NOTCH2NLR: variants seen among roughly 807,000 people sequenced by gnomAD.
NOTCH2NLR encodes notch 2 N-terminal like R.
A neutral mutation model predicts 35.6 loss-of-function variants in NOTCH2NLR; 33 were observed. That is an observed-to-expected ratio of 0.93 (90% confidence interval 0.70 to 1.24). NOTCH2NLR has a LOEUF of 1.24. Ranked by LOEUF, NOTCH2NLR falls within the 50% of genes most tolerant of loss-of-function variation. The pLI, the probability that NOTCH2NLR is intolerant of heterozygous loss-of-function variation, is 0.00. For missense variants in NOTCH2NLR, 276 were observed against 362.2 expected (o/e 0.76, Z 1.93); for synonymous variants, 103 against 141.0 (o/e 0.73, Z 1.91).
In NOTCH2NLR at chr1:120,776,252, G is replaced by T. The variant is rs1370420132; in HGVS notation, c.156-8722G>T. Reference sequence around the variant, plus strand: ...GGCTCAGGGTTATTAAGAACAGAGGGGGTATCAAGGCTGTTTTTCACAGGA... The same window carrying T: ...GGCTCAGGGTTATTAAGAACAGAGGTGGTATCAAGGCTGTTTTTCACAGGA... On this transcript the variant is annotated intron_variant, in intron 2 of 4. Coordinates refer to ENST00000624419, the Ensembl canonical transcript of NOTCH2NLR. 2.6e-5 allele frequency among the ~76,000 whole-genome samples: 3 copies of T among 115,220 alleles called. 1 individual carries two copies. Among genetic ancestry groups the T allele is most frequent in the Non-Finnish European group, 5.0e-5 (3 of 60,540 alleles). The allele number at this position is 115,220 out of a possible 152,430, so 75.6% of individuals were successfully genotyped here. A position where few individuals can be genotyped will look rare whatever the true frequency, so the allele number is the denominator to read the frequency against.
Position 120,778,099 on chromosome 1 carries a change from AG to A in NOTCH2NLR, c.156-6869del, listed in dbSNP as rs1235422605. Among the ~76,000 whole-genome samples, 8 of 87,346 alleles carry A rather than the reference AG, an allele frequency of 9.2e-5. 1 individual carries two copies. The highest frequency in any genetic ancestry group is 1.6e-4 in the Non-Finnish European group (8 of 48,986). 57.3% of individuals were successfully genotyped at this position (87,346 alleles called of 152,430 possible). A position where few individuals can be genotyped will look rare whatever the true frequency, so the allele number is the denominator to read the frequency against. On this transcript the variant is annotated intron_variant, in intron 2 of 4. Transcript: ENST00000624419. Reference sequence around the variant, plus strand: ...TCTACTTTAACAGGGGGGACAGAGTAGGGGGGCAGGAAACTAAGCTGGCATT... The same window carrying A: ...TCTACTTTAACAGGGGGGACAGAGTAGGGGGCAGGAAACTAAGCTGGCATT...
At chr1:120,779,025 CT>C (rs1651333165) in intron 2 of NOTCH2NLR, among the ~76,000 whole-genome samples, 1 of 52,310 alleles carries the variant, frequency 1.9e-5, no homozygotes, top group Non-Finnish European at 3.0e-5. Context: ...TGGTTTTCAT[CT>C]GCTTAAGTGA....
At position 120,785,202 on chromosome 1, in the gene NOTCH2NLR, C is replaced by G. The variant is rs1382545787; in HGVS notation, c.384C>G (p.Thr128=). 3 of 1,445,520 alleles carry G rather than the reference C, an allele frequency of 2.1e-6. 1 individual carries two copies. The Admixed American group carries it at 5.8e-5, about 28-fold the overall frequency. The allele number at this position is 1,445,520 out of a possible 1,614,324, so 89.5% of individuals were successfully genotyped here. A position where few individuals can be genotyped will look rare whatever the true frequency, so the allele number is the denominator to read the frequency against. The change falls in exon 3 of 5, where the codon ACC becomes ACG. Residue 128 remains threonine (T), a synonymous_variant. Transcript: ENST00000624419. ...CATGCCATATGCTCAGCCGGGATACCTATGAGTGCACCTGTCAAGTCGGGT... is the reference window on the plus strand; with the variant it reads ...CATGCCATATGCTCAGCCGGGATACGTATGAGTGCACCTGTCAAGTCGGGT...
At chr1:120,785,019 C>T in exon 3 of NOTCH2NLR, 3 of 1,426,030 alleles carry the variant, frequency 2.1e-6, no homozygotes, top group South Asian at 1.2e-5. Context: ...ATCGAGACCC[C>T]TGTGAGAAGA....
In NOTCH2NLR at chr1:120,755,930, T is replaced by C. The variant is rs1339948862; in HGVS notation, c.74-7698T>C. ...GAAAACAAAATCGATTTATCTCTTA[T>C]TGCTTTTTTTTTTTTTTTTTTTTTT... On this transcript the variant is annotated intron_variant, in intron 1 of 4. Transcript: ENST00000624419. Among the ~76,000 whole-genome samples, 170 of 96,648 alleles carry C rather than the reference T, an allele frequency of 1.8e-3. 28 individuals carry two copies. Among genetic ancestry groups the C allele is most frequent in the South Asian group, 0.014 (49 of 3,398 alleles). 63.4% of individuals were successfully genotyped at this position (96,648 alleles called of 152,430 possible).
Position 120,789,462 on chromosome 1 carries a change from C to T in NOTCH2NLR, c.416-3699C>T, listed in dbSNP as rs1165658711. On this transcript the variant is annotated intron_variant, in intron 3 of 4. Coordinates refer to ENST00000624419, the Ensembl canonical transcript of NOTCH2NLR. ...GGTGGGAGGCAAAAGGCACTTCTTT[C>T]GTGGTGGTGGCAAGAGAAAATTAGG... 1.8e-5 allele frequency among the ~76,000 whole-genome samples: 2 copies of T among 112,882 alleles called. 1 individual carries two copies. Among genetic ancestry groups the T allele is most frequent in the Admixed American group, 1.7e-4 (2 of 11,618 alleles). 74.1% of individuals were successfully genotyped at this position (112,882 alleles called of 152,430 possible). A position where few individuals can be genotyped will look rare whatever the true frequency, so the allele number is the denominator to read the frequency against.
rs1283396616 is a variant in NOTCH2NLR at position 120,765,241 on chromosome 1, C to A, written c.155+1532C>A. Among the ~76,000 whole-genome samples the A allele has an allele frequency of 1.9e-5, 2 of 102,922 alleles. 1 individual carries two copies. The highest frequency in any genetic ancestry group is 3.7e-5 in the Non-Finnish European group (2 of 53,802). 67.5% of individuals were successfully genotyped at this position (102,922 alleles called of 152,430 possible). A position where few individuals can be genotyped will look rare whatever the true frequency, so the allele number is the denominator to read the frequency against. ...AGATAATAAGGGAGGGAACTTAATACCTTAGAGTAGGCCACTGAAATCTTG... is the reference window on the plus strand; with the variant it reads ...AGATAATAAGGGAGGGAACTTAATAACTTAGAGTAGGCCACTGAAATCTTG... On this transcript the variant is annotated intron_variant, in intron 2 of 4. Transcript: ENST00000624419.
intron 1 of NOTCH2NLR, among the ~76,000 whole-genome samples, chr1:120,759,256 ACTT>A (rs1651107921): frequency 2.1e-5 from 1 of 48,662 alleles, no homozygotes; most frequent in Admixed American, 2.2e-4. Context: ...GAAATCTACT[ACTT>A]CTTTTTGCTT....
At chr1:120,752,556 T>TA (rs1651033843) in intron 1 of NOTCH2NLR, among the ~76,000 whole-genome samples, 3 of 8,146 alleles carry the variant, frequency 3.7e-4, no homozygotes, top group East Asian at 0.011. Context: ...ATATATATAT[T>TA]TTTTTTTTTT....
chr1:120,745,132 AACAAAAAAAAAAC>A (rs1650966311), intron 1 of NOTCH2NLR, among the ~76,000 whole-genome samples: 1 of 94,618 alleles, frequency 1.1e-5, no homozygotes, highest in Non-Finnish European at 1.9e-5. Flanking sequence ...AAAAAAAAAA[AACAAAAAAAAAAC>A]AAAAAAAAGT....
At chr1:120,781,715 C>T (rs1422184811) in intron 2 of NOTCH2NLR, among the ~76,000 whole-genome samples, 2 of 101,396 alleles carry the variant, frequency 2.0e-5, no homozygotes, top group Non-Finnish European at 3.7e-5. Context: ...AGGCGCCTGC[C>T]ACCACGCCTG....
exon 4 of NOTCH2NLR, chr1:120,793,175 T>A (rs1449511716): frequency 2.1e-6 from 3 of 1,436,080 alleles, no homozygotes; most frequent in Non-Finnish European, 2.8e-6. Flanking sequence ...GGAGTGCCAA[T>A]GGACCGATGC....
At chr1:120,754,385 A>G (rs1651057846) in intron 1 of NOTCH2NLR, among the ~76,000 whole-genome samples, 1 of 42,506 alleles carries the variant, frequency 2.4e-5, no homozygotes, top group Non-Finnish European at 4.0e-5. Context: ...CAGCACACAA[A>G]TATATAGCAC....
intron 2 of NOTCH2NLR, among the ~76,000 whole-genome samples, chr1:120,767,944 A>C (rs1203882167): frequency 8.5e-6 from 1 of 117,772 alleles, no homozygotes; most frequent in Non-Finnish European, 1.6e-5. Context: ...ATGTGTTTCT[A>C]TTTCTATCAA....
In NOTCH2NLR at chr1:120,780,144, A is replaced by T. The variant is rs1651347068; in HGVS notation, c.156-4830A>T. Among the ~76,000 whole-genome samples, 3 of 117,308 alleles carry T rather than the reference A, an allele frequency of 2.6e-5. No individual in the cohort carries two copies. The South Asian group carries it at 7.7e-4, about 30-fold the overall frequency. 77.0% of individuals were successfully genotyped at this position (117,308 alleles called of 152,430 possible). A position where few individuals can be genotyped will look rare whatever the true frequency, so the allele number is the denominator to read the frequency against. ...ACCAGCTGCTTAGTGGGGTTTAGGT[A>T]CTCAGGTATTCAGGGAACCTACACC... On this transcript the variant is annotated intron_variant, in intron 2 of 4. Transcript: ENST00000624419.
intron 1 of NOTCH2NLR, among the ~76,000 whole-genome samples, chr1:120,752,548 ATATATATT>A (rs1158158969): frequency 8.9e-5 from 1 of 11,280 alleles, no homozygotes; most frequent in Non-Finnish European, 1.5e-4. Flanking sequence ...ATATATATAT[ATATATATT>A]TTTTTTTTTT....
intron 1 of NOTCH2NLR, among the ~76,000 whole-genome samples, chr1:120,737,700 G>T (rs1196433316): frequency 0.75 from 91,110 of 121,924 alleles, 39,474 homozygotes; most frequent in Non-Finnish European, 0.8. Context: ...CTTTGTACTA[G>T]TTGAGACAAC....
rs1331064069 is a variant in NOTCH2NLR at position 120,759,307 on chromosome 1, G to A, written c.74-4321G>A. On this transcript the variant is annotated intron_variant, in intron 1 of 4. Coordinates refer to ENST00000624419, the Ensembl canonical transcript of NOTCH2NLR. ...TTTTTTTTTGGTGGAGTAGAGGAGGGCCTGCACAAACAGCAGAGACACACA... is the reference window on the plus strand; with the variant it reads ...TTTTTTTTTGGTGGAGTAGAGGAGGACCTGCACAAACAGCAGAGACACACA... 8.7e-5 allele frequency among the ~76,000 whole-genome samples: 3 copies of A among 34,416 alleles called. 1 individual carries two copies. Among genetic ancestry groups the A allele is most frequent in the Non-Finnish European group, 1.5e-4 (3 of 19,794 alleles). The allele number at this position is 34,416 out of a possible 152,430, so 22.6% of individuals were successfully genotyped here. A position where few individuals can be genotyped will look rare whatever the true frequency, so the allele number is the denominator to read the frequency against.
Position 120,748,138 on chromosome 1 carries a change from T to TA in NOTCH2NLR, c.74-15487dup, listed in dbSNP as rs1192865346. ...CTTTTTTTTTTTTTTTTTTTTTTTT[T>TA]AAAGTCTTTCCACCTTAACTAGCAA... On this transcript the variant is annotated intron_variant, in intron 1 of 4. Transcript: ENST00000624419. Among the ~76,000 whole-genome samples the TA allele has an allele frequency of 2.0e-4, 10 of 51,074 alleles. 1 individual carries two copies. Among genetic ancestry groups the TA allele is most frequent in the African/African-American group, 1.2e-3 (9 of 7,626 alleles). The allele number at this position is 51,074 out of a possible 152,430, so 33.5% of individuals were successfully genotyped here.
Sources: gnomAD v4.1 joint callset for allele counts (sites outside exome capture counted in the v4.1 genomes callset) on GRCh38, gnomAD v4.1.1 for gene constraint, MANE v1.5 for transcripts, NCBI Gene and HGNC (gene_info 2026-07-23, HGNC 2026-07-21) for gene names.